XRCC4: variants seen among roughly 807,000 people sequenced by gnomAD.
XRCC4 encodes the protein DNA repair protein XRCC4.
A neutral mutation model predicts 39.1 loss-of-function variants in XRCC4; 28 were observed. The ratio of observed to expected loss-of-function variants is 0.72; its 90% CI spans 0.53 to 0.98. XRCC4 has a LOEUF of 0.98. XRCC4 is among the 50% of genes least tolerant of loss of function. XRCC4 has a pLI of 0.00. For missense variants in XRCC4, 350 were observed against 376.4 expected, an observed-to-expected ratio of 0.93 and a Z score of 0.58; for synonymous variants, 123 against 126.4, an observed-to-expected ratio of 0.97 and a Z score of 0.18.
chr5:83,247,438 C>A (rs577927151), intron 6 of XRCC4, among the ~76,000 whole-genome samples: 1 of 152,138 alleles, frequency 6.6e-6, no homozygotes, highest in African/African-American at 2.4e-5. Context: ...CCAACCTCAC[C>A]CGGTCCATGG....
At chr5:83,178,997 C>T (rs1404390696) in intron 3 of XRCC4, among the ~76,000 whole-genome samples, 1 of 152,272 alleles carries the variant, frequency 6.6e-6, no homozygotes, top group East Asian at 1.9e-4. Context: ...ATTTAGCCTT[C>T]AAGTCTCAGG....
At chr5:83,164,066 A>T (rs1262006832) in intron 3 of XRCC4, among the ~76,000 whole-genome samples, 1 of 152,190 alleles carries the variant, frequency 6.6e-6, no homozygotes, top group Non-Finnish European at 1.5e-5. Flanking sequence ...GTAAAATAAA[A>T]CAAAAACCTA....
chr5:83,228,672 T>A (rs1752380255), intron 6 of XRCC4, among the ~76,000 whole-genome samples: 1 of 152,032 alleles, frequency 6.6e-6, no homozygotes, highest in South Asian at 2.1e-4. Flanking sequence ...GATAGTTACA[T>A]GCAACATGTA....
chr5:83,171,396 T>C (rs1217716073), intron 3 of XRCC4, among the ~76,000 whole-genome samples: 2 of 152,128 alleles, frequency 1.3e-5, no homozygotes, highest in African/African-American at 4.8e-5. Context: ...GGACAAAATA[T>C]AGTCTATAGA....
chr5:83,324,442 A>G (rs1199320566), intron 7 of XRCC4, among the ~76,000 whole-genome samples: 1 of 152,126 alleles, frequency 6.6e-6, no homozygotes. Flanking sequence ...TCTTCTATTG[A>G]TCAAACATTA....
chr5:83,284,679 G>A (rs2112962431), intron 7 of XRCC4, among the ~76,000 whole-genome samples: 1 of 152,110 alleles, frequency 6.6e-6, no homozygotes, highest in South Asian at 2.1e-4. Flanking sequence ...TGAATTTCAT[G>A]TAAATATATT....
At chr5:83,300,322 T>C (rs899064551) in intron 7 of XRCC4, among the ~76,000 whole-genome samples, 1 of 152,104 alleles carries the variant, frequency 6.6e-6, no homozygotes, top group Non-Finnish European at 1.5e-5. Context: ...AAAAAAAGTG[T>C]ATGTATGTTC....
At chr5:83,162,653 A>G (rs572987736) in intron 3 of XRCC4, among the ~76,000 whole-genome samples, 1 of 152,128 alleles carries the variant, frequency 6.6e-6, no homozygotes, top group East Asian at 1.9e-4. Flanking sequence ...CTTTTAATAT[A>G]TTTTTTTCTA....
intron 3 of XRCC4, among the ~76,000 whole-genome samples, chr5:83,169,343 A>G (rs1353727518): frequency 1.3e-5 from 2 of 152,152 alleles, no homozygotes; most frequent in African/African-American, 4.8e-5. Flanking sequence ...GGACAACTCA[A>G]TTTCAGATTT....
At chr5:83,183,164 T>C (rs1345428972) in intron 3 of XRCC4, among the ~76,000 whole-genome samples, 5 of 152,264 alleles carry the variant, frequency 3.3e-5, no homozygotes, top group African/African-American at 1.2e-4. Flanking sequence ...ATTTTATTGC[T>C]CTGAAAGCTT....
intron 3 of XRCC4, among the ~76,000 whole-genome samples, chr5:83,179,284 A>T (rs935410429): frequency 2.2e-4 from 33 of 152,220 alleles, no homozygotes; most frequent in African/African-American, 8.0e-4. Flanking sequence ...AGTCAGAGCG[A>T]ATGCTATCTA....
At chr5:83,202,415 T>G (rs564866310) in intron 4 of XRCC4, among the ~76,000 whole-genome samples, 1 of 152,278 alleles carries the variant, frequency 6.6e-6, no homozygotes, top group Admixed American at 6.5e-5. Flanking sequence ...CTGAAATTGG[T>G]CCCAGAGAAT....
intron 7 of XRCC4, among the ~76,000 whole-genome samples, chr5:83,302,191 T>G (rs1262449873): frequency 6.6e-6 from 1 of 152,062 alleles, no homozygotes; most frequent in African/African-American, 2.4e-5. Flanking sequence ...GCTCCCTGGC[T>G]TAAGCCCTTT....
At chr5:83,264,475 G>C (rs1163248214) in intron 7 of XRCC4, among the ~76,000 whole-genome samples, 1 of 151,896 alleles carries the variant, frequency 6.6e-6, no homozygotes, top group East Asian at 1.9e-4. Flanking sequence ...GTCAGAGTCT[G>C]GTATTAATTC....
intron 3 of XRCC4, among the ~76,000 whole-genome samples, chr5:83,155,697 TAAA>T (rs1353533928): frequency 2.0e-5 from 3 of 152,040 alleles, no homozygotes; most frequent in Non-Finnish European, 4.4e-5. Flanking sequence ...TAGAATATAA[TAAA>T]GAATAATTTC....
At chr5:83,145,629 C>A (rs1748416454) in intron 3 of XRCC4, among the ~76,000 whole-genome samples, 1 of 152,204 alleles carries the variant, frequency 6.6e-6, no homozygotes, top group African/African-American at 2.4e-5. Context: ...CTTCTCTCCT[C>A]TGCTTCTTCC....
In XRCC4 at chr5:83,346,901, C is replaced by T. The variant is rs192082131; in HGVS notation, c.894-6230C>T. Among the ~76,000 whole-genome samples the T allele has an allele frequency of 1.6e-3, 249 of 152,262 alleles. 1 individual carries two copies. The highest frequency in any genetic ancestry group is 5.8e-3 in the African/African-American group (239 of 41,560). On this transcript the variant is annotated intron_variant, in intron 7 of 7. Transcript: ENST00000396027. ...CCCAAGTTTCTAATTATTTGTTTCT[C>T]TCACTTTCCATTAAAACTTTAGATA...
At chr5:83,203,525 A>C in intron 4 of XRCC4, 27 bp from the exon 5 acceptor site, 1 of 1,562,492 alleles carries the variant, frequency 6.4e-7, no homozygotes, top group Non-Finnish European at 8.6e-7. Context: ...CTGCATGACT[A>C]ATTTGTTTAC....
intron 7 of XRCC4, among the ~76,000 whole-genome samples, chr5:83,345,481 G>A (rs371576577): frequency 5.5e-4 from 83 of 152,194 alleles, no homozygotes; most frequent in African/African-American, 1.6e-3. Context: ...AATAACAGTT[G>A]AGTTTTTAAA....
Sources: gnomAD v4.1 joint callset for allele counts (sites outside exome capture counted in the v4.1 genomes callset) on GRCh38, gnomAD v4.1.1 for gene constraint, MANE v1.5 for transcripts, NCBI Gene and HGNC (gene_info 2026-07-23, HGNC 2026-07-21) for gene names.